PDE4B: variants seen among roughly 807,000 people sequenced by gnomAD.
PDE4B encodes 3',5'-cyclic-AMP phosphodiesterase 4B.
A neutral mutation model predicts 82.2 loss-of-function variants in PDE4B; 20 were observed. The ratio of observed to expected loss-of-function variants is 0.24; its 90% CI spans 0.17 to 0.35. The LOEUF (loss-of-function observed/expected upper bound fraction) is 0.35. PDE4B is among the 10% of genes least tolerant of loss of function. The probability of loss-of-function intolerance (pLI) is 1.00; values close to 1 mark genes in which losing one functional copy is unlikely to be tolerated. For missense variants in PDE4B, 655 were observed against 907.2 expected (o/e 0.72, Z 3.57); for synonymous variants, 320 against 318.9 (o/e 1.00, Z -0.04).
At chr1:66,326,110 CA>C (rs1334521531) in intron 7 of PDE4B, among the ~76,000 whole-genome samples, 1 of 152,180 alleles carries the variant, frequency 6.6e-6, no homozygotes, top group Non-Finnish European at 1.5e-5. Context: ...GAGATTTACT[CA>C]AACTCTGTTG....
chr1:66,079,290 A>C (rs990679906), intron 3 of PDE4B, among the ~76,000 whole-genome samples: 2 of 151,914 alleles, frequency 1.3e-5, no homozygotes, highest in African/African-American at 4.8e-5. Flanking sequence ...TCTAGTTAAA[A>C]TATAACTATT....
At chr1:65,839,576 G>A (rs138380425) in intron 1 of PDE4B, among the ~76,000 whole-genome samples, 3,451 of 152,094 alleles carry the variant, frequency 0.023, 100 homozygotes, top group East Asian at 0.081. Flanking sequence ...AGTTTCATCC[G>A]TGTCCCTGCA....
intron 3 of PDE4B, among the ~76,000 whole-genome samples, chr1:66,026,945 C>T (rs2455031): frequency 0.94 from 143,583 of 152,318 alleles, 67,788 homozygotes; most frequent in East Asian, 0.97. Flanking sequence ...AGTAAACTTA[C>T]GTTTTTCTTA....
chr1:65,891,379 T>A (rs543561727), intron 1 of PDE4B, among the ~76,000 whole-genome samples: 1 of 152,204 alleles, frequency 6.6e-6, no homozygotes, highest in East Asian at 1.9e-4. Flanking sequence ...AAGTATATAT[T>A]GTCTTAAAGG....
intron 3 of PDE4B, among the ~76,000 whole-genome samples, chr1:66,045,152 C>A (rs1654620073): frequency 6.6e-6 from 1 of 151,702 alleles, no homozygotes; most frequent in Admixed American, 6.6e-5. Flanking sequence ...TACAAACTGA[C>A]CTTTTTCTCC....
At chr1:66,332,698 A>G (rs901604538) in intron 8 of PDE4B, 78 bp downstream of exon 8, 5 of 1,167,280 alleles carry the variant, frequency 4.3e-6, no homozygotes, top group Non-Finnish European at 6.2e-6. Flanking sequence ...TCTGCAGCAG[A>G]GTGCACCAGG....
At chr1:66,357,599 G>T (rs529522985) in intron 9 of PDE4B, among the ~76,000 whole-genome samples, 2 of 152,026 alleles carry the variant, frequency 1.3e-5, no homozygotes, top group East Asian at 3.9e-4. Context: ...GTTGAGGAAG[G>T]TTATTAGAAT....
chr1:66,313,196 C>T (rs1045509234), intron 7 of PDE4B, among the ~76,000 whole-genome samples: 7 of 152,200 alleles, frequency 4.6e-5, no homozygotes, highest in Non-Finnish European at 8.8e-5. Context: ...CAGGCAAGCT[C>T]CTATTTATCC....
chr1:66,090,733 GTA>G, intron 3 of PDE4B, among the ~76,000 whole-genome samples: 1 of 55,570 alleles, frequency 1.8e-5, no homozygotes, highest in Admixed American at 1.7e-4. Flanking sequence ...GTATATGTAT[GTA>G]TATATACATA....
At chr1:66,216,619 T>C (rs375727722) in intron 3 of PDE4B, among the ~76,000 whole-genome samples, 15 of 152,150 alleles carry the variant, frequency 9.9e-5, no homozygotes, top group Admixed American at 7.2e-4. Context: ...AGCAATGCAA[T>C]TTGGCCATGA....
At chr1:66,023,543 G>T (rs1486432333) in intron 3 of PDE4B, among the ~76,000 whole-genome samples, 1 of 152,172 alleles carries the variant, frequency 6.6e-6, no homozygotes, top group Non-Finnish European at 1.5e-5. Context: ...CAAGTGAAAA[G>T]CTCCATGCAA....
chr1:66,055,970 A>T (rs1312775605), intron 3 of PDE4B, among the ~76,000 whole-genome samples: 1 of 152,228 alleles, frequency 6.6e-6, no homozygotes, highest in Non-Finnish European at 1.5e-5. Context: ...GTAAATACCA[A>T]TATGTGTAAT....
intron 3 of PDE4B, among the ~76,000 whole-genome samples, chr1:66,098,443 C>T (rs1645158281): frequency 6.6e-6 from 1 of 152,092 alleles, no homozygotes; most frequent in South Asian, 2.1e-4. Flanking sequence ...TCCATCATTT[C>T]ATAGATTTTC....
chr1:66,362,373 A>G (rs1662850891), intron 10 of PDE4B, among the ~76,000 whole-genome samples: 1 of 152,144 alleles, frequency 6.6e-6, no homozygotes, highest in African/African-American at 2.4e-5. Context: ...TACATCCTTT[A>G]GGAGGCCACA....
chr1:66,288,863 C>T (rs1656869858), intron 7 of PDE4B, among the ~76,000 whole-genome samples: 1 of 152,138 alleles, frequency 6.6e-6, no homozygotes, highest in African/African-American at 2.4e-5. Flanking sequence ...GGACTTGGCA[C>T]CAGTTTCTGG....
chr1:65,951,521 A>G (rs1648998789), intron 3 of PDE4B, among the ~76,000 whole-genome samples: 1 of 152,200 alleles, frequency 6.6e-6, no homozygotes, highest in South Asian at 2.1e-4. Flanking sequence ...AGGGTCTGGA[A>G]GTAAGTCATT....
chr1:66,277,459 G>A lies in PDE4B; in HGVS notation c.634+11372G>A, dbSNP rs147694201. 9.6e-4 allele frequency among the ~76,000 whole-genome samples: 146 copies of A among 152,058 alleles called. No homozygotes were observed. The East Asian group carries it at 0.026, about 27-fold the overall frequency. On this transcript the variant is annotated intron_variant, in intron 7 of 16. Coordinates refer to ENST00000341517, the MANE Select transcript of PDE4B (RefSeq NM_002600.4). ...TGTCCAGGCTGGAGTGCAGTGGCACGATCTCAGCTCACCACAACCTCCACC... is the reference window on the plus strand; with the variant it reads ...TGTCCAGGCTGGAGTGCAGTGGCACAATCTCAGCTCACCACAACCTCCACC...
intron 1 of PDE4B, among the ~76,000 whole-genome samples, chr1:65,799,215 C>T (rs1221982701): frequency 6.6e-6 from 1 of 152,142 alleles, no homozygotes; most frequent in Non-Finnish European, 1.5e-5. Context: ...AGAAAACTGA[C>T]ATGTTAAAAA....
At chr1:66,350,295 G>A (rs768962165) in intron 8 of PDE4B, among the ~76,000 whole-genome samples, 1 of 152,054 alleles carries the variant, frequency 6.6e-6, no homozygotes, top group Non-Finnish European at 1.5e-5. Context: ...ACAATAAGGC[G>A]CCTGTCTCAC....
Sources: allele counts gnomAD v4.1 joint callset (sites outside exome capture counted in the v4.1 genomes callset), GRCh38; gene constraint gnomAD v4.1.1; transcripts MANE v1.5; gene names NCBI Gene and HGNC (gene_info 2026-07-23, HGNC 2026-07-21).